The following STAU2 variants were observed in gnomAD, a reference collection of about 807,000 sequenced individuals.
The protein encoded by STAU2 is double-stranded RNA-binding protein Staufen homolog 2.
In STAU2, 20 loss-of-function variants were observed where a neutral mutation model predicts 65.9. The ratio of observed to expected loss-of-function variants is 0.30; its 90% CI spans 0.21 to 0.44. The LOEUF is 0.44. STAU2 is among the 20% of genes least tolerant of loss of function. The pLI is 1.00. For missense variants in STAU2, 558 were observed against 683.9 expected (o/e 0.82, Z 2.05); for synonymous variants, 232 against 233.9 (o/e 0.99, Z 0.07).
At chr8:73,613,034 A>G (rs1234611868) in intron 9 of STAU2, among the ~76,000 whole-genome samples, 1 of 152,222 alleles carries the variant, frequency 6.6e-6, no homozygotes, top group Non-Finnish European at 1.5e-5. Flanking sequence ...AAGAGTCACA[A>G]TATCTTGAAA....
intron 10 of STAU2, 24 bp from the exon 11 acceptor site, chr8:73,595,321 TA>T: frequency 1.3e-6 from 2 of 1,562,284 alleles, no homozygotes. Flanking sequence ...AGAAATAAAT[TA>T]AAGAAATACA....
At chr8:73,598,014 A>G (rs545707631) in intron 10 of STAU2, among the ~76,000 whole-genome samples, 13 of 152,304 alleles carry the variant, frequency 8.5e-5, no homozygotes, top group African/African-American at 2.4e-4. Context: ...CAAGAACAGT[A>G]TAAGAAAATT....
intron 11 of STAU2, among the ~76,000 whole-genome samples, chr8:73,587,341 A>G (rs1810451191): frequency 6.6e-6 from 1 of 152,240 alleles, no homozygotes; most frequent in Admixed American, 6.5e-5. Flanking sequence ...TATGTACTCC[A>G]TTAAAACAAG....
At chr8:73,510,788 A>G (rs1442767469) in intron 13 of STAU2, among the ~76,000 whole-genome samples, 1 of 152,238 alleles carries the variant, frequency 6.6e-6, no homozygotes, top group African/African-American at 2.4e-5. Flanking sequence ...AACTGCCCCC[A>G]GGATTCAGTT....
chr8:73,715,412 C>T (rs1308718606), intron 3 of STAU2, among the ~76,000 whole-genome samples: 4 of 140,556 alleles, frequency 2.8e-5, no homozygotes, highest in African/African-American at 8.0e-5. Flanking sequence ...ACCGAGATGG[C>T]ACCACTACAC....
intron 13 of STAU2, among the ~76,000 whole-genome samples, chr8:73,443,913 G>A (rs1251460916): frequency 4.0e-5 from 6 of 151,772 alleles, no homozygotes; most frequent in Non-Finnish European, 5.9e-5. Context: ...TTAGCTAACT[G>A]CTAAACAAAC....
At chr8:73,658,008 A>C (rs1345803696) in intron 6 of STAU2, among the ~76,000 whole-genome samples, 1 of 151,796 alleles carries the variant, frequency 6.6e-6, no homozygotes, top group Non-Finnish European at 1.5e-5. Flanking sequence ...GCAACACTCC[A>C]TTAAAAAAAA....
intron 9 of STAU2, among the ~76,000 whole-genome samples, chr8:73,607,955 G>A (rs1563454537): frequency 6.6e-6 from 1 of 152,062 alleles, no homozygotes; most frequent in African/African-American, 2.4e-5. Context: ...CTAAACTTAT[G>A]TAAGAGCCAC....
At chr8:73,602,597 G>A (rs1001993040) in intron 10 of STAU2, among the ~76,000 whole-genome samples, 8 of 151,760 alleles carry the variant, frequency 5.3e-5, no homozygotes, top group African/African-American at 1.5e-4. Context: ...TAGTGTATGC[G>A]TGTAATCCTA....
Position 73,463,836 on chromosome 8 carries a change from C to G in STAU2, c.1531-41134G>C, listed in dbSNP as rs138230472. 1.1e-3 allele frequency among the ~76,000 whole-genome samples: 164 copies of G among 152,260 alleles called. 1 individual carries two copies. The highest frequency in any genetic ancestry group is 3.8e-3 in the African/African-American group (158 of 41,558). ...ATGCAGGACGAGATAAGGACAGTACCTTATGTCTCCTGGAACTGACTTTGA... is the reference window on the plus strand; with the variant it reads ...ATGCAGGACGAGATAAGGACAGTACGTTATGTCTCCTGGAACTGACTTTGA... On this transcript the variant is annotated intron_variant, in intron 13 of 14. Coordinates refer to ENST00000524300, the MANE Select transcript of STAU2 (RefSeq NM_001164380.2).
intron 13 of STAU2, among the ~76,000 whole-genome samples, chr8:73,468,259 A>C (rs952451757): frequency 1.3e-5 from 2 of 152,228 alleles, no homozygotes; most frequent in African/African-American, 4.8e-5. Context: ...CCTTATGTAG[A>C]AAGCTGAAAC....
chr8:73,456,553 G>C (rs1819081955), intron 13 of STAU2, among the ~76,000 whole-genome samples: 1 of 152,098 alleles, frequency 6.6e-6, no homozygotes, highest in Non-Finnish European at 1.5e-5. Flanking sequence ...GGGAGCAGGT[G>C]CTCCTCATGG....
At chr8:73,686,548 C>CAA (rs111707785) in intron 5 of STAU2, among the ~76,000 whole-genome samples, 9,775 of 97,704 alleles carry the variant, frequency 0.1, 410 homozygotes, top group Middle Eastern at 0.22. Context: ...GACTCCCCCT[C>CAA]AAAAAAAAAA....
At chr8:73,704,708 C>T (rs180979388) in intron 4 of STAU2, among the ~76,000 whole-genome samples, 3 of 152,156 alleles carry the variant, frequency 2.0e-5, no homozygotes, top group Non-Finnish European at 4.4e-5. Flanking sequence ...CTCCCTCTGT[C>T]GCCAGGCTGG....
At chr8:73,673,582 T>C (rs768944303) in intron 5 of STAU2, among the ~76,000 whole-genome samples, 2 of 152,168 alleles carry the variant, frequency 1.3e-5, no homozygotes, top group Non-Finnish European at 2.9e-5. Context: ...CCCAGAAAGC[T>C]TGCATGTATT....
chr8:73,631,966 G>C (rs534547732), intron 6 of STAU2, among the ~76,000 whole-genome samples: 1 of 143,528 alleles, frequency 7.0e-6, no homozygotes, highest in Non-Finnish European at 1.5e-5. Context: ...CTCAATGAGA[G>C]AGAGGAGGGA....
intron 13 of STAU2, among the ~76,000 whole-genome samples, chr8:73,462,900 G>A (rs569930179): frequency 1.3e-5 from 2 of 152,280 alleles, no homozygotes; most frequent in Admixed American, 1.3e-4. Flanking sequence ...GGATTCCAGA[G>A]GGTGTAGCCA....
At chr8:73,636,158 C>T (rs115359797) in intron 6 of STAU2, among the ~76,000 whole-genome samples, 1,625 of 152,220 alleles carry the variant, frequency 0.011, 32 homozygotes, top group African/African-American at 0.037. Context: ...AGTTAGAGAC[C>T]AGGCTGGGCA....
At chr8:73,505,998 T>A (rs1474426999) in intron 13 of STAU2, among the ~76,000 whole-genome samples, 2 of 152,122 alleles carry the variant, frequency 1.3e-5, no homozygotes, top group Non-Finnish European at 2.9e-5. Context: ...CCACTTAGCC[T>A]TCTACCAGAA....
Sources: allele counts gnomAD v4.1 joint callset (sites outside exome capture counted in the v4.1 genomes callset), GRCh38; gene constraint gnomAD v4.1.1; transcripts MANE v1.5; gene names NCBI Gene and HGNC (gene_info 2026-07-23, HGNC 2026-07-21).